ANKRD26: variants seen among roughly 807,000 people sequenced by gnomAD.
The protein encoded by ANKRD26 is ankyrin repeat domain 26, also known as ankyrin repeat domain-containing protein 26.
Under a neutral mutation model 208.7 loss-of-function variants are expected in ANKRD26, and 141 were observed. The ratio of observed to expected loss-of-function variants is 0.68; its 90% CI spans 0.59 to 0.78. The LOEUF is 0.78. Ranked by LOEUF, ANKRD26 falls within the 30% of genes least tolerant of loss-of-function variation. The probability of loss-of-function intolerance (pLI) is 0.00; values close to 1 mark genes in which losing one functional copy is unlikely to be tolerated. For missense variants in ANKRD26, 1,889 were observed against 1,938.7 expected, an observed-to-expected ratio of 0.97 and a Z score of 0.48; for synonymous variants, 636 against 660.4, an observed-to-expected ratio of 0.96 and a Z score of 0.57.
At chr10:26,986,891 A>G (rs906254792) in intron 3 of ANKRD26, among the ~76,000 whole-genome samples, 16 of 152,378 alleles carry the variant, frequency 1.1e-4, no homozygotes, top group African/African-American at 3.6e-4. Context: ...AGGGATCTAG[A>G]ACTAGAAACA....
intron 18 of ANKRD26, among the ~76,000 whole-genome samples, chr10:27,045,423 TAAAAAAA>T (rs74940609): frequency 7.8e-6 from 1 of 127,602 alleles, no homozygotes; most frequent in African/African-American, 2.9e-5. Context: ...GACTCTGACT[TAAAAAAA>T]AAAAAAAAAA....
At chr10:27,051,021 G>A (rs936071956) in intron 16 of ANKRD26, 2 of 1,187,722 alleles carry the variant, frequency 1.7e-6, no homozygotes, top group East Asian at 5.8e-5. Context: ...ATAATTGATA[G>A]AGAAAAAAAC....
intron 10 of ANKRD26, among the ~76,000 whole-genome samples, chr10:27,066,788 T>A (rs1213830689): frequency 1.3e-5 from 2 of 152,060 alleles, no homozygotes; most frequent in African/African-American, 2.4e-5. Flanking sequence ...TCTGCATATG[T>A]TAATTGGTTG....
At chr10:27,091,040 G>A (rs979254267) in intron 4 of ANKRD26, among the ~76,000 whole-genome samples, 3 of 152,014 alleles carry the variant, frequency 2.0e-5, no homozygotes, top group African/African-American at 7.2e-5. Context: ...AGGTTGCAGG[G>A]AGCCAACATC....
At chr10:26,985,846 GT>G (rs2052377120) in intron 3 of ANKRD26, among the ~76,000 whole-genome samples, 1 of 152,076 alleles carries the variant, frequency 6.6e-6, no homozygotes, top group Non-Finnish European at 1.5e-5. Flanking sequence ...AAAAGCTTGG[GT>G]CAGGGACAAG....
chr10:27,017,891 A>G (rs1201318982), intron 29 of ANKRD26, 99 bp from the exon 30 acceptor site: 4 of 1,125,238 alleles, frequency 3.6e-6, no homozygotes. Flanking sequence ...TTCAGTTGCA[A>G]TAAAATGTCA....
chr10:26,995,635 G>C (rs995496802), intron 4 of ANKRD26, among the ~76,000 whole-genome samples: 2 of 152,188 alleles, frequency 1.3e-5, no homozygotes, highest in African/African-American at 4.8e-5. Flanking sequence ...TTTAGTGATG[G>C]TCATGGGGAA....
chr10:26,982,958 C>T (rs905765232), intron 3 of ANKRD26, among the ~76,000 whole-genome samples: 5 of 152,172 alleles, frequency 3.3e-5, no homozygotes, highest in African/African-American at 1.2e-4. Context: ...GGTTGGTTAT[C>T]TGGGTTTTTA....
Position 27,017,755 on chromosome 10 carries a change from G to A in ANKRD26, c.4253C>T (p.Ser1418Leu). 1 of 1,613,006 alleles carries A rather than the reference G, an allele frequency of 6.2e-7. No individual in the cohort carries two copies. Among genetic ancestry groups the A allele is most frequent in the Non-Finnish European group, 8.5e-7 (1 of 1,179,794 alleles). ...CTTTGTATCCAGATGTAGACATTTT[G>A]AACCTGCAGTCTCCAGTTCTGCTGT... Reference protein sequence around the residue: ...DLTAELETAGSKCLHLDTKNQ... With the variant: ...DLTAELETAGLKCLHLDTKNQ... The change falls in exon 30 of 34, where the codon TCA (serine) becomes TTA (leucine). Residue 1418 changes from serine to leucine, a missense_variant. Ser to Leu is a moderately radical substitution (Grantham distance 145). Transcript: ENST00000376087.
chr10:27,017,851 C>T, intron 29 of ANKRD26, 59 bp from the exon 30 acceptor site: 9 of 1,494,186 alleles, frequency 6.0e-6, no homozygotes, highest in Non-Finnish European at 8.2e-6. Flanking sequence ...AATAGCCTAA[C>T]ATAAAACCAA....
the ANKRD26 span, among the ~76,000 whole-genome samples, chr10:26,968,789 C>T: frequency 0.34 from 51,867 of 152,044 alleles, 14,037 homozygotes; most frequent in African/African-American, 0.72. Context: ...GGCATTCCAC[C>T]CTAAGTTGCT....
In ANKRD26 at chr10:27,014,618, C is replaced by T. The variant is rs1042409642; in HGVS notation, c.4600G>A (p.Glu1534Lys). The T allele has an allele frequency of 5.7e-6, 9 of 1,592,226 alleles. No individual in the cohort carries two copies. The highest frequency in any genetic ancestry group is 1.4e-5 in the African/African-American group (1 of 73,982). Reference sequence around the variant, plus strand: ...GTTTTTATTTTGGAGAGTTCAGATTCCAGATCTTTAATTCTGAGTTCCATC... The same window carrying T: ...GTTTTTATTTTGGAGAGTTCAGATTTCAGATCTTTAATTCTGAGTTCCATC... ...SQMELRIKDL[E>K]SELSKIKTSQ... Residue 1534 changes from glutamate to lysine, a missense_variant, in exon 31 of 34, where the codon GAA becomes AAA. This residue lies in a region of ANKRD26 where 613 missense variants were observed against 648.2 expected (regional missense o/e 0.95). Transcript: ENST00000376087.
chr10:27,008,065 A>G (rs2052954327), intron 32 of ANKRD26, among the ~76,000 whole-genome samples: 1 of 152,010 alleles, frequency 6.6e-6, no homozygotes, highest in East Asian at 1.9e-4. Flanking sequence ...ATGTGTGGGA[A>G]TATTTCAAAC....
the ANKRD26 span, among the ~76,000 whole-genome samples, chr10:26,964,019 C>T: frequency 1.4e-5 from 2 of 140,946 alleles, no homozygotes; most frequent in African/African-American, 5.4e-5. Flanking sequence ...TCAAGAGATT[C>T]TCTTGCCTCA....
intron 33 of ANKRD26, 74 bp downstream of exon 33, chr10:27,006,843 C>G (rs1564348299): frequency 1.7e-6 from 2 of 1,158,120 alleles, no homozygotes; most frequent in African/African-American, 1.5e-5. Flanking sequence ...AAAGGGATCC[C>G]ACTCACGATT....
At chr10:27,100,034 C>G (rs1269646660) in intron 1 of ANKRD26, 51 bp downstream of exon 1, 4 of 1,610,166 alleles carry the variant, frequency 2.5e-6, no homozygotes, top group Non-Finnish European at 3.4e-6. Context: ...GGCCCCTCTT[C>G]CTGCCCGCCT....
At chr10:27,076,012 G>GT (rs2055685861) in intron 9 of ANKRD26, among the ~76,000 whole-genome samples, 1 of 152,082 alleles carries the variant, frequency 6.6e-6, no homozygotes, top group Non-Finnish European at 1.5e-5. Context: ...TGATTTCGGA[G>GT]TTAATAATAA....
At chr10:27,049,191 G>GTTTCT (rs1564390042) in intron 16 of ANKRD26, among the ~76,000 whole-genome samples, 1 of 151,996 alleles carries the variant, frequency 6.6e-6, no homozygotes, top group Non-Finnish European at 1.5e-5. Context: ...TTTTTGTAAA[G>GTTTCT]TCTGCTTCAT....
At chr10:27,044,502 T>C (rs1377079624) in intron 18 of ANKRD26, among the ~76,000 whole-genome samples, 3 of 150,216 alleles carry the variant, frequency 2.0e-5, no homozygotes, top group Admixed American at 6.6e-5. Flanking sequence ...CATTATTCAA[T>C]AGAAAGAAAT....
Sources: gnomAD v4.1 joint callset for allele counts (sites outside exome capture counted in the v4.1 genomes callset) on GRCh38, gnomAD v4.1.1 for gene constraint, gnomAD v4.1.1 regional missense constraint, MANE v1.5 for transcripts, NCBI Gene and HGNC (gene_info 2026-07-23, HGNC 2026-07-21) for gene names.